Variants in SLC30A9 observed in about 807,000 individuals in gnomAD.
SLC30A9 encodes solute carrier family 30 member 9, also known as proton-coupled zinc antiporter SLC30A9, mitochondrial.
Under a neutral mutation model 87.5 loss-of-function variants are expected in SLC30A9, and 58 were observed. That is an observed-to-expected ratio of 0.66 (90% CI 0.54 to 0.82). SLC30A9 has a LOEUF of 0.82. SLC30A9 is among the 40% of genes least tolerant of loss of function. SLC30A9 has a pLI of 0.00. For missense variants in SLC30A9, 557 were observed against 679.1 expected (o/e 0.82, Z 2.00); for synonymous variants, 234 against 233.0 (o/e 1.00, Z -0.04).
At chr4:42,046,565 C>T (rs889697798) in intron 8 of SLC30A9, among the ~76,000 whole-genome samples, 5 of 152,070 alleles carry the variant, frequency 3.3e-5, no homozygotes, top group African/African-American at 9.7e-5. Flanking sequence ...CAAACCACTG[C>T]TCAAGGAAAT....
At chr4:42,017,809 A>G (rs1577687193) in intron 2 of SLC30A9, among the ~76,000 whole-genome samples, 1 of 152,250 alleles carries the variant, frequency 6.6e-6, no homozygotes, top group East Asian at 1.9e-4. Flanking sequence ...TTTACCCTTT[A>G]AAGAAATTCC....
chr4:42,071,337 A>G (rs1029846238), intron 15 of SLC30A9, among the ~76,000 whole-genome samples: 23 of 152,270 alleles, frequency 1.5e-4, no homozygotes, highest in African/African-American at 2.6e-4. Context: ...TATTTTTTCA[A>G]ACTTTAAAAT....
intron 9 of SLC30A9, among the ~76,000 whole-genome samples, chr4:42,051,932 C>T (rs1341089663): frequency 6.6e-6 from 1 of 151,282 alleles, no homozygotes; most frequent in Non-Finnish European, 1.5e-5. Flanking sequence ...CCAGTTATTC[C>T]TCATGAACAC....
intron 9 of SLC30A9, among the ~76,000 whole-genome samples, chr4:42,051,277 A>G (rs1352895037): frequency 6.6e-6 from 1 of 152,232 alleles, no homozygotes; most frequent in Non-Finnish European, 1.5e-5. Flanking sequence ...CTGATCTTCA[A>G]ATAATTTAAT....
At chr4:42,054,209 T>A (rs982392857) in intron 9 of SLC30A9, among the ~76,000 whole-genome samples, 3 of 151,878 alleles carry the variant, frequency 2.0e-5, no homozygotes, top group African/African-American at 7.3e-5. Flanking sequence ...TACAAAAACA[T>A]TAGCTGAGCG....
chr4:41,998,015 G>A lies in SLC30A9; in HGVS notation c.110-3601G>A, dbSNP rs73810465. ...TGTTGTTGCGGAAGCAACGTATACA[G>A]TAGACTGAGTTGTCAGTTTGTGTGA... is the stretch of plus-strand genomic sequence containing the variant. On this transcript the variant is annotated intron_variant, in intron 1 of 17. Transcript: ENST00000264451. Among the ~76,000 whole-genome samples, 1,454 of 152,356 alleles carry A rather than the reference G, an allele frequency of 9.5e-3. 26 individuals are homozygous for A. The highest frequency in any genetic ancestry group is 0.034 in the African/African-American group (1,395 of 41,570).
rs1421941324 is a variant in SLC30A9, at chr4:42,067,164, C to T, written c.1224C>T (p.Ala408=). The T allele has an allele frequency of 4.4e-6, 7 of 1,607,236 alleles. No individual in the cohort carries two copies. The highest frequency in any genetic ancestry group is 6.0e-6 in the Non-Finnish European group (7 of 1,174,062). Reference sequence around the variant, plus strand: ...CAGTCTTGGGAGTTATAATAGCAGCCACTTGCATGGGCCTTACTTCTATAA... The same window carrying T: ...CAGTCTTGGGAGTTATAATAGCAGCTACTTGCATGGGCCTTACTTCTATAA... ...TAAVLGVIIA[A]TCMGLTSITG... The change falls in exon 14 of 18, where the codon GCC becomes GCT. Residue 408 remains alanine, a synonymous_variant. Coordinates refer to ENST00000264451, the MANE Select transcript of SLC30A9 (RefSeq NM_006345.4).
intron 17 of SLC30A9, among the ~76,000 whole-genome samples, chr4:42,082,649 A>G (rs190259794): frequency 6.6e-6 from 1 of 152,324 alleles, no homozygotes; most frequent in Non-Finnish European, 1.5e-5. Flanking sequence ...GGAGTTCAAG[A>G]CCAGCCTGAC....
Position 42,040,341 on chromosome 4 carries a change from A to C in SLC30A9, c.737+1288A>C, listed in dbSNP as rs185331494. Among the ~76,000 whole-genome samples the C allele has an allele frequency of 1.8e-4, 28 of 152,326 alleles. No homozygotes were observed. In the East Asian group the frequency reaches 4.2e-3, roughly 23 times the overall value. Reference sequence around the variant, plus strand: ...AAGTGCTTAACATAGTACCTGCTCTAAGATATGTACTTAAGAAGTATTATT... The same window carrying C: ...AAGTGCTTAACATAGTACCTGCTCTCAGATATGTACTTAAGAAGTATTATT... On this transcript the variant is annotated intron_variant, in intron 8 of 17. Transcript: ENST00000264451.
At position 42,062,885 on chromosome 4, in the gene SLC30A9, A is replaced by G. The variant is rs1577716460; in HGVS notation, c.897-101A>G. The G allele has an allele frequency of 1.9e-5, 18 of 964,080 alleles. No homozygotes were observed. The East Asian group carries it at 4.3e-4, about 23-fold the overall frequency. The allele number at this position is 964,080 out of a possible 1,614,324, so 59.7% of individuals were successfully genotyped here. On this transcript the variant is annotated intron_variant, in intron 10 of 17. Transcript: ENST00000264451. The stretch of plus-strand genomic sequence containing the variant: ...TCTTACTTAAATATAAAATTATAAC[A>G]TCTTGATATTGTTAGTCTTTTTCAT...
chr4:42,048,411 G>C (rs543827915), intron 8 of SLC30A9, among the ~76,000 whole-genome samples: 32 of 152,200 alleles, frequency 2.1e-4, no homozygotes, highest in African/African-American at 7.2e-4. Context: ...ATCTGAGGTG[G>C]AGGAGATGGG....
chr4:42,077,534 G>C (rs1352222033), intron 16 of SLC30A9, among the ~76,000 whole-genome samples: 2 of 152,066 alleles, frequency 1.3e-5, no homozygotes, highest in Non-Finnish European at 2.9e-5. Context: ...CTCCCAAGTA[G>C]CTAGGATTAC....
intron 8 of SLC30A9, among the ~76,000 whole-genome samples, chr4:42,047,651 C>T (rs577224565): frequency 1.3e-5 from 2 of 152,250 alleles, no homozygotes; most frequent in East Asian, 1.9e-4. Flanking sequence ...TTAGTTCAAC[C>T]ATTGTGGAAG....
chr4:42,039,437 ATTAT>A (rs1249893933), intron 8 of SLC30A9, among the ~76,000 whole-genome samples: 1 of 150,958 alleles, frequency 6.6e-6, no homozygotes, highest in African/African-American at 2.4e-5. Flanking sequence ...GAAGAACATA[ATTAT>A]TTGTTCTTGT....
chr4:42,045,127 T>TACCCTAACATCACAATGAAAAGA (rs1490100291), intron 8 of SLC30A9, among the ~76,000 whole-genome samples: 4 of 152,018 alleles, frequency 2.6e-5, no homozygotes, highest in African/African-American at 9.7e-5. Flanking sequence ...CTAAAATCGA[T>TACCCTAACATCACAATGAAAAGA]ACCCTAACAT....
intron 15 of SLC30A9, among the ~76,000 whole-genome samples, chr4:42,073,452 G>T (rs939482144): frequency 7.2e-5 from 11 of 152,154 alleles, no homozygotes; most frequent in Admixed American, 7.2e-4. Flanking sequence ...TTTTTAAACA[G>T]TATATTAGTT....
intron 11 of SLC30A9, among the ~76,000 whole-genome samples, chr4:42,063,486 A>T (rs1049952686): frequency 6.6e-6 from 1 of 152,206 alleles, no homozygotes; most frequent in African/African-American, 2.4e-5. Context: ...GACCCATGTA[A>T]TAGTCATAAG....
intron 8 of SLC30A9, among the ~76,000 whole-genome samples, chr4:42,043,834 C>T (rs111830333): frequency 2.0e-4 from 31 of 152,240 alleles, no homozygotes; most frequent in Admixed American, 1.4e-3. Context: ...GTCGGGTTAC[C>T]CACAAAGGGA....
At chr4:42,030,307 A>G (rs1716371296) in intron 6 of SLC30A9, among the ~76,000 whole-genome samples, 1 of 152,330 alleles carries the variant, frequency 6.6e-6, no homozygotes, top group South Asian at 2.1e-4. Flanking sequence ...AAGTGTAGCA[A>G]TAGCAACAAA....
Sources: gnomAD v4.1 joint callset for allele counts (sites outside exome capture counted in the v4.1 genomes callset) on GRCh38, gnomAD v4.1.1 for gene constraint, MANE v1.5 for transcripts, NCBI Gene and HGNC (gene_info 2026-07-23, HGNC 2026-07-21) for gene names.